GALNT9: variants seen among roughly 807,000 people sequenced by gnomAD.
The protein encoded by GALNT9 is GalNAc transferase 9.
Under a neutral mutation model 63.1 loss-of-function variants are expected in GALNT9, and 47 were observed. That is an observed-to-expected ratio of 0.75 (90% CI 0.59 to 0.95). The LOEUF (loss-of-function observed/expected upper bound fraction) is 0.95, where lower values mean the gene tolerates loss of function less well. Ranked by LOEUF, GALNT9 falls within the 40% of genes least tolerant of loss-of-function variation. GALNT9 has a pLI of 0.00. For missense variants in GALNT9, 829 were observed against 874.8 expected (o/e 0.95, Z 0.66); for synonymous variants, 396 against 365.7 (o/e 1.08, Z -0.94).
At chr12:132,210,900 AGGTCGCTGTCTGGT>A (rs1216437000) in intron 6 of GALNT9, among the ~76,000 whole-genome samples, 2 of 136,840 alleles carry the variant, frequency 1.5e-5, no homozygotes, top group Admixed American at 7.1e-5. Flanking sequence ...CGCTGTCTGG[AGGTCGCTGTCTGGT>A]GGTCGGCTGC....
In GALNT9 at chr12:132,247,891, A is replaced by T; in HGVS notation, c.1077+19T>A. On this transcript the variant is annotated intron_variant, in intron 6 of 10. Coordinates refer to ENST00000328957, the MANE Select transcript of GALNT9 (RefSeq NM_001122636.2). ...TCACTCGCCCTCACCCTGTCCCTGG[A>T]CACCGGGGCCGCACTCACCCTCATG... The T allele has an allele frequency of 6.4e-7, 1 of 1,550,988 alleles. No homozygotes were observed. Among genetic ancestry groups the T allele is most frequent in the Non-Finnish European group, 8.7e-7 (1 of 1,146,854 alleles).
chr12:132,205,559 A>C (rs1028901149), intron 6 of GALNT9: 1 of 152,078 alleles, frequency 6.6e-6, no homozygotes, highest in Non-Finnish European at 1.5e-5. Flanking sequence ...CACGTCACCC[A>C]CAGGGGTCCG....
Position 132,286,673 on chromosome 12 carries a change from G to A in GALNT9, c.239-243C>T, listed in dbSNP as rs1880607227. 6.6e-6 allele frequency among the ~76,000 whole-genome samples: 1 copy of A among 152,218 alleles called. No individual in the cohort carries two copies. Among genetic ancestry groups the A allele is most frequent in the Non-Finnish European group, 1.5e-5 (1 of 68,038 alleles). On this transcript the variant is annotated intron_variant, in intron 1 of 10. Coordinates refer to ENST00000328957, the MANE Select transcript of GALNT9 (RefSeq NM_001122636.2). The surrounding 1 kb of genome is among the most constrained non-coding windows in gnomAD (Gnocchi z 7.4). ...AATGGGTGGTACATGAGGCGTTGAAGGCAGTGGACTCTGTGTGATGCTGCA... is the reference window on the plus strand; with the variant it reads ...AATGGGTGGTACATGAGGCGTTGAAAGCAGTGGACTCTGTGTGATGCTGCA...
At position 132,267,997 on chromosome 12, in the gene GALNT9, A is replaced by G. The variant is rs529562687; in HGVS notation, c.420-5372T>C. 3.2e-3 allele frequency among the ~76,000 whole-genome samples: 490 copies of G among 151,614 alleles called. 1 individual carries two copies. Among genetic ancestry groups the G allele is most frequent in the Non-Finnish European group, 5.5e-3 (376 of 67,938 alleles). The stretch of plus-strand genomic sequence containing the variant: ...AACCCACATGAACTCACACACATGC[A>G]CACACACAGGCAGATACACACGAAC... On this transcript the variant is annotated intron_variant, in intron 2 of 10. Transcript: ENST00000328957.
chr12:132,202,243 A>C (rs10794459), intron 7 of GALNT9, among the ~76,000 whole-genome samples: 91,475 of 152,164 alleles, frequency 0.6, 27,769 homozygotes, highest in African/African-American at 0.65. Flanking sequence ...GGCCTGGAGC[A>C]CCTCACTCAG....
In GALNT9 at chr12:132,282,403, G is replaced by C. The variant is rs928836626; in HGVS notation, c.419+3847C>G. Among the ~76,000 whole-genome samples the C allele has an allele frequency of 6.7e-6, 1 of 149,130 alleles. No individual in the cohort carries two copies. The highest frequency in any genetic ancestry group is 2.6e-5 in the African/African-American group (1 of 39,084). ...GAAAAAACTAAAAATACGTGTGTGC[G>C]CGTGTGTGCGTGTGTGTGCGTGTGT... On this transcript the variant is annotated intron_variant, in intron 2 of 10. Transcript: ENST00000328957. This position sits in a 1 kb window ranked among gnomAD's most constrained non-coding sequence, Gnocchi z 4.5.
At chr12:132,298,314 T>G in intron 1 of GALNT9, among the ~76,000 whole-genome samples, 2 of 144,274 alleles carry the variant, frequency 1.4e-5, no homozygotes, top group South Asian at 4.6e-4. Flanking sequence ...CCCACCACAC[T>G]TAACCCACCC....
At chr12:132,260,317 C>G (rs928013631) in intron 4 of GALNT9, among the ~76,000 whole-genome samples, 1 of 152,204 alleles carries the variant, frequency 6.6e-6, no homozygotes, top group African/African-American at 2.4e-5. Flanking sequence ...CCTGCCCACA[C>G]CTTGGAGTCG....
chr12:132,315,459 G>A lies in GALNT9; in HGVS notation c.238+13507C>T, dbSNP rs1170868041. On this transcript the variant is annotated intron_variant, in intron 1 of 10. Transcript: ENST00000328957. The surrounding 1 kb of genome is among the most constrained non-coding windows in gnomAD (Gnocchi z 6.1). ...AATAGTGTGAAAATAGCCCCTTGCA[G>A]AATTCAGACCCCGTCTGTTCTTTTC... Among the ~76,000 whole-genome samples, 1 of 152,240 alleles carries A rather than the reference G, an allele frequency of 6.6e-6. No homozygotes were observed. The highest frequency in any genetic ancestry group is 2.4e-5 in the African/African-American group (1 of 41,462).
At chr12:132,307,245 G>A (rs1881648014) in intron 1 of GALNT9, among the ~76,000 whole-genome samples, 1 of 152,192 alleles carries the variant, frequency 6.6e-6, no homozygotes, top group Non-Finnish European at 1.5e-5. Context: ...AACAGGAAGT[G>A]CCAGTGTACA....
chr12:132,239,541 GAGTCAGAGAC>G (rs1178330643), intron 6 of GALNT9, among the ~76,000 whole-genome samples: 20 of 151,106 alleles, frequency 1.3e-4, no homozygotes, highest in East Asian at 5.9e-4. Context: ...CAGAGAGACA[GAGTCAGAGAC>G]AGTCAGAGAC....
intron 5 of GALNT9, 102 bp from the exon 6 acceptor site, chr12:132,248,129 C>A: frequency 1.4e-6 from 2 of 1,438,478 alleles, no homozygotes; most frequent in Non-Finnish European, 1.8e-6. Flanking sequence ...ACCACCCCTC[C>A]CTCCTGTGCC....
chr12:132,208,892 G>C (rs897870807), intron 6 of GALNT9, among the ~76,000 whole-genome samples: 1 of 152,228 alleles, frequency 6.6e-6, no homozygotes, highest in Non-Finnish European at 1.5e-5. Flanking sequence ...CATAGTACCA[G>C]TTAATGCTAG....
intron 1 of GALNT9, among the ~76,000 whole-genome samples, chr12:132,318,691 C>T (rs577138580): frequency 2.6e-5 from 4 of 152,334 alleles, no homozygotes; most frequent in Admixed American, 6.5e-5. Context: ...GTGTGGCCAG[C>T]GTTGATGCAC....
At chr12:132,199,320 C>A (rs368314745) in intron 8 of GALNT9, 51 bp from the exon 9 acceptor site, 4 of 1,305,476 alleles carry the variant, frequency 3.1e-6, no homozygotes, top group Non-Finnish European at 4.4e-6. Flanking sequence ...AGGGTGCGGC[C>A]CCAGGGAGCT....
chr12:132,301,923 C>T (rs1555243870), intron 1 of GALNT9, among the ~76,000 whole-genome samples: 1 of 152,248 alleles, frequency 6.6e-6, no homozygotes, highest in Non-Finnish European at 1.5e-5. Context: ...GCAGTCGTAG[C>T]AATGACCTTC....
At position 132,329,257 on chromosome 12, in the gene GALNT9, C is replaced by T. The variant is rs1262100499; in HGVS notation, c.-54G>A. 7 of 1,510,536 alleles carry T rather than the reference C, an allele frequency of 4.6e-6. No homozygotes were observed. The East Asian group carries it at 1.3e-4, about 27-fold the overall frequency. The allele number at this position is 1,510,536 out of a possible 1,614,324, so 93.6% of individuals were successfully genotyped here. ...GCGGGGCATCCCCAGCATCCCCGCCCGGGCCTGGGCTTCAGCTTCGGCTTC... is the reference window on the plus strand; with the variant it reads ...GCGGGGCATCCCCAGCATCCCCGCCTGGGCCTGGGCTTCAGCTTCGGCTTC... On this transcript the variant is annotated 5_prime_UTR_variant, in exon 1 of 11. Transcript: ENST00000328957.
In GALNT9 at chr12:132,319,025, T is replaced by C. The variant is rs1555245918; in HGVS notation, c.238+9941A>G. ...GTCCTTTGGACTTCGGCAGCGACTC[T>C]CTGGGAGGGAGGAGCAGAGACAGAC... On this transcript the variant is annotated intron_variant, in intron 1 of 10. Coordinates refer to ENST00000328957, the MANE Select transcript of GALNT9 (RefSeq NM_001122636.2). The surrounding 1 kb of genome is among the most constrained non-coding windows in gnomAD (Gnocchi z 5.2). Among the ~76,000 whole-genome samples the C allele has an allele frequency of 6.6e-6, 1 of 152,180 alleles. No homozygotes were observed.
intron 6 of GALNT9, among the ~76,000 whole-genome samples, chr12:132,212,918 C>T (rs530654528): frequency 8.4e-6 from 1 of 118,418 alleles, no homozygotes; most frequent in Non-Finnish European, 1.8e-5. Flanking sequence ...GCTCTCAGAC[C>T]GTGACATGGA....
Sources: allele counts gnomAD v4.1 joint callset (sites outside exome capture counted in the v4.1 genomes callset), GRCh38; gene constraint gnomAD v4.1.1; non-coding constraint Gnocchi (gnomAD v3.1); transcripts MANE v1.5; gene names NCBI Gene and HGNC (gene_info 2026-07-23, HGNC 2026-07-21).